The following PCDH11Y variants were observed in gnomAD, a reference collection of about 807,000 sequenced individuals.
The protein encoded by PCDH11Y is protocadherin-11 Y-linked.
For synonymous variants in PCDH11Y, 9 were observed against 83.6 expected (o/e 0.11, Z 4.87); for missense variants, 12 against 224.8 (o/e 0.05, Z 6.05).
intron 2 of PCDH11Y, among the ~76,000 whole-genome samples, chrY:5,371,098 G>A: frequency 3.1e-5 from 1 of 32,427 alleles, no homozygotes; most frequent in African/African-American, 1.2e-4. Context: ...AATAAAAACT[G>A]AACTATTATT....
intron 2 of PCDH11Y, among the ~76,000 whole-genome samples, chrY:5,259,604 C>G: frequency 3.1e-5 from 1 of 32,469 alleles, no homozygotes; most frequent in Non-Finnish European, 7.6e-5. Flanking sequence ...TACACCTTAA[C>G]TTTGTTTCCC....
chrY:5,677,767 G>A, intron 4 of PCDH11Y, among the ~76,000 whole-genome samples: 1 of 33,056 alleles, frequency 3.0e-5, no homozygotes. Flanking sequence ...CAACTTATGA[G>A]TGATTTGTCA....
chrY:5,328,145 C>T (rs2124666947), intron 2 of PCDH11Y, among the ~76,000 whole-genome samples: 1 of 33,336 alleles, frequency 3.0e-5, no homozygotes, highest in South Asian at 6.7e-4. Context: ...TTGAACAGTC[C>T]GATTTTCAGT....
chrY:5,327,707 G>A lies in PCDH11Y; in HGVS notation c.3130-173350G>A, dbSNP rs1602905152. Among the ~76,000 whole-genome samples, 4 of 32,579 alleles carry A rather than the reference G, an allele frequency of 1.2e-4. No individual in the cohort carries two copies. In the East Asian group the frequency reaches 3.4e-3, roughly 27 times the overall value. 87.4% of individuals were successfully genotyped at this position (32,579 alleles called of 37,273 possible). ...GGGGAGAAGGGTGGCAATGAGATGT[G>A]GCTGTAGTCCAGGAATAGTCAGGGA... is the stretch of plus-strand genomic sequence containing the variant. On this transcript the variant is annotated intron_variant, in intron 2 of 4. Coordinates refer to the PCDH11Y transcript ENST00000400457.
At chrY:5,726,473 AGAG>A (rs2053598858) in intron 4 of PCDH11Y, among the ~76,000 whole-genome samples, 1 of 33,127 alleles carries the variant, frequency 3.0e-5, no homozygotes, top group Admixed American at 2.8e-4. Context: ...AAAGTAGATT[AGAG>A]ATTGCTTAGG....
upstream of PCDH11Y, among the ~76,000 whole-genome samples, chrY:5,052,502 C>T: frequency 3.0e-5 from 1 of 33,290 alleles, no homozygotes; most frequent in Non-Finnish European, 7.4e-5. Context: ...GCTCCCTTAC[C>T]TACTCAGAGA....
intron 2 of PCDH11Y, among the ~76,000 whole-genome samples, chrY:5,407,908 C>T (rs2053241995): frequency 8.1e-5 from 1 of 12,394 alleles, no homozygotes; most frequent in Non-Finnish European, 1.7e-4. Context: ...AGCGAGACTC[C>T]GTCTCAAAAA....
chrY:5,031,179 G>T (rs2052589499), intron 1 of PCDH11Y: 1 of 29,199 alleles, frequency 3.4e-5, no homozygotes, highest in Non-Finnish European at 8.2e-5. Flanking sequence ...ATTGGACCAT[G>T]CAGATTATTT....
At chrY:5,172,524 G>A in intron 2 of PCDH11Y, among the ~76,000 whole-genome samples, 1 of 32,362 alleles carries the variant, frequency 3.1e-5, no homozygotes, top group Admixed American at 2.9e-4. Flanking sequence ...CCTCAGAGGA[G>A]CCTGAATAAG....
At chrY:5,642,331 C>T in intron 4 of PCDH11Y, among the ~76,000 whole-genome samples, 1 of 33,822 alleles carries the variant, frequency 3.0e-5, no homozygotes, top group Non-Finnish European at 7.4e-5. Flanking sequence ...CCCAGAATAA[C>T]ATCAAAGCGA....
chrY:5,410,989 G>T (rs2053247149), intron 2 of PCDH11Y, among the ~76,000 whole-genome samples: 1 of 24,398 alleles, frequency 4.1e-5, no homozygotes, highest in African/African-American at 1.6e-4. Context: ...GTGCAGCAAT[G>T]AACATCCATG....
At chrY:5,598,984 T>C (rs2124699287) in intron 4 of PCDH11Y, among the ~76,000 whole-genome samples, 1 of 32,657 alleles carries the variant, frequency 3.1e-5, no homozygotes, top group African/African-American at 1.2e-4. Context: ...TAATTTTTTA[T>C]GTAGTAGAAC....
chrY:5,293,502 T>C, intron 2 of PCDH11Y, among the ~76,000 whole-genome samples: 1 of 32,797 alleles, frequency 3.0e-5, no homozygotes, highest in East Asian at 8.0e-4. Context: ...GGTCTGTCAT[T>C]GAGAATGATC....
intron 4 of PCDH11Y, among the ~76,000 whole-genome samples, chrY:5,676,201 C>A: frequency 6.3e-5 from 2 of 31,971 alleles, no homozygotes; most frequent in Non-Finnish European, 1.5e-4. Context: ...TCTGAAGCAA[C>A]TTCCTTAGCT....
intron 2 of PCDH11Y, among the ~76,000 whole-genome samples, chrY:5,122,651 T>C (rs2052819937): frequency 3.2e-5 from 1 of 31,187 alleles, no homozygotes; most frequent in Non-Finnish European, 7.7e-5. Flanking sequence ...CCATTCACAA[T>C]TCTATCAATC....
intron 2 of PCDH11Y, among the ~76,000 whole-genome samples, chrY:5,325,409 T>G (rs2053117978): frequency 3.2e-5 from 1 of 31,044 alleles, no homozygotes; most frequent in African/African-American, 1.3e-4. Flanking sequence ...TGAAGGGAGG[T>G]CTTGTGGTAA....
At chrY:5,475,903 GT>G (rs2053318174) in intron 2 of PCDH11Y, among the ~76,000 whole-genome samples, 1 of 32,003 alleles carries the variant, frequency 3.1e-5, no homozygotes, top group Non-Finnish European at 7.6e-5. Context: ...GTAAGTATTT[GT>G]GTATCTAAAC....
intron 2 of PCDH11Y, among the ~76,000 whole-genome samples, chrY:5,140,640 TA>T (rs2052847137): frequency 9.3e-5 from 3 of 32,254 alleles, no homozygotes; most frequent in Non-Finnish European, 1.5e-4. Flanking sequence ...AGGTGTAGAC[TA>T]AGACGTTGTT....
chrY:5,729,713 G>T (rs2053601835), intron 4 of PCDH11Y, among the ~76,000 whole-genome samples: 1 of 32,899 alleles, frequency 3.0e-5, no homozygotes, highest in African/African-American at 1.2e-4. Context: ...GTCCAGAATG[G>T]TGTTTCGTAT....
Sources: gnomAD v4.1 joint callset for allele counts (sites outside exome capture counted in the v4.1 genomes callset) on GRCh38, gnomAD v4.1.1 for gene constraint, MANE v1.5 for transcripts, NCBI Gene and HGNC (gene_info 2026-07-23, HGNC 2026-07-21) for gene names.